DENND4C: variants seen among roughly 807,000 people sequenced by gnomAD.
The protein encoded by DENND4C is DENN domain containing 4C.
In DENND4C, 108 loss-of-function variants were observed where a neutral mutation model predicts 203.0. The observed-to-expected ratio is 0.53, with a 90% CI of 0.46 to 0.62. The LOEUF is 0.62. Among genes scored for constraint, DENND4C ranks in the 20% least tolerant of loss-of-function variants. DENND4C has a pLI of 0.00. For missense variants in DENND4C, 2,481 were observed against 2,301.2 expected (o/e 1.08, Z -1.60); for synonymous variants, 871 against 792.4 (o/e 1.10, Z -1.67).
intron 2 of DENND4C, among the ~76,000 whole-genome samples, chr9:19,283,510 G>T (rs1158280672): frequency 1.3e-5 from 2 of 151,814 alleles, no homozygotes; most frequent in Non-Finnish European, 2.9e-5. Context: ...AGTATATGCA[G>T]TCTGTGCTTG....
At chr9:19,289,983 G>T (rs1021582896) in intron 4 of DENND4C, among the ~76,000 whole-genome samples, 5 of 152,116 alleles carry the variant, frequency 3.3e-5, no homozygotes, top group Admixed American at 6.5e-5. Context: ...TCAGTTATTT[G>T]ATATGAGACA....
In DENND4C at chr9:19,328,270, C is replaced by T; in HGVS notation, c.2253+108C>T. On this transcript the variant is annotated intron_variant, in intron 16 of 32. Transcript: ENST00000434457. Reference sequence around the variant, plus strand: ...CACCCACAACAACCATTTGAAGACTCACTTTGGTTGTTATTGAATTTAACT... The same window carrying T: ...CACCCACAACAACCATTTGAAGACTTACTTTGGTTGTTATTGAATTTAACT... 5.3e-6 allele frequency: 6 copies of T among 1,126,972 alleles called. No individual in the cohort carries two copies. In the South Asian group the frequency reaches 1.0e-4, roughly 20 times the overall value. The allele number at this position is 1,126,972 out of a possible 1,614,324, so 69.8% of individuals were successfully genotyped here. A position where few individuals can be genotyped will look rare whatever the true frequency, so the allele number is the denominator to read the frequency against.
At chr9:19,230,563 G>A (rs1820250237), upstream of DENND4C, 1 of 152,214 alleles carries the variant, frequency 6.6e-6, no homozygotes, top group Non-Finnish European at 1.5e-5. Context: ...GCAGCTCCTA[G>A]GCGACGCGCC....
Position 19,316,838 on chromosome 9 carries a change from G to A in DENND4C, c.1806G>A (p.Gln602=). The change falls in exon 12 of 33, where the codon CAG becomes CAA. Residue 602 remains glutamine, a splice_region_variant and synonymous_variant. Transcript: ENST00000434457. Reference sequence around the variant, plus strand: ...CTGCTGATTCATTGTTTGACCGACAGGGTGAGTAGCATTGAAAGTACAATT... The same window carrying A: ...CTGCTGATTCATTGTTTGACCGACAAGGTGAGTAGCATTGAAAGTACAATT... The part of the protein sequence containing the change: ...ATAADSLFDR[Q]GFLKSRDRAY... 2 of 1,608,966 alleles carry A rather than the reference G, an allele frequency of 1.2e-6. No individual in the cohort carries two copies. Among genetic ancestry groups the A allele is most frequent in the Non-Finnish European group, 1.7e-6 (2 of 1,178,446 alleles).
rs567402106 is a variant in DENND4C at position 19,333,394 on chromosome 9, T to G, written c.2460+1210T>G. Among the ~76,000 whole-genome samples the G allele has an allele frequency of 3.3e-5, 5 of 152,294 alleles. No individual in the cohort carries two copies. The East Asian group carries it at 9.6e-4, about 29-fold the overall frequency. ...TCTCAACTTTGGCACTATTGATATT[T>G]TGGCCCACACAATTGTTTATTTTAG... is the stretch of plus-strand genomic sequence containing the variant. On this transcript the variant is annotated intron_variant, in intron 17 of 32. Transcript: ENST00000434457.
chr9:19,261,670 A>ATT (rs79471192), intron 1 of DENND4C, among the ~76,000 whole-genome samples: 5 of 143,942 alleles, frequency 3.5e-5, no homozygotes, highest in African/African-American at 1.0e-4. Flanking sequence ...GGCCGGGCTA[A>ATT]TTTTTTTTTT....
At position 19,346,969 on chromosome 9, in the gene DENND4C, T is replaced by A; in HGVS notation, c.4200T>A (p.Asp1400Glu). 6.2e-7 allele frequency: 1 copy of A among 1,614,190 alleles called. No homozygotes were observed. Among genetic ancestry groups the A allele is most frequent in the Non-Finnish European group, 8.5e-7 (1 of 1,180,038 alleles). ...ATTCTTTGTCAGGGCTAAAGCTGGA[T>A]AATATACTCTCAGGGCCCAAGATAG... is the stretch of plus-strand genomic sequence containing the variant. ...VVNSLSGLKL[D>E]NILSGPKIDV... The change falls in exon 23 of 33, where the codon GAT becomes GAA. Residue 1400 changes from aspartate (D) to glutamate (E), a missense_variant. By Grantham distance (45) the Asp-to-Glu change is conservative. Transcript: ENST00000434457.
chr9:19,253,571 C>T (rs1417403187), intron 1 of DENND4C, among the ~76,000 whole-genome samples: 1 of 152,244 alleles, frequency 6.6e-6, no homozygotes, highest in South Asian at 2.1e-4. Context: ...TAGCAAATAG[C>T]TTTGATAAAA....
chr9:19,359,795 C>T (rs1417798137), intron 28 of DENND4C, among the ~76,000 whole-genome samples: 1 of 151,440 alleles, frequency 6.6e-6, no homozygotes, highest in African/African-American at 2.4e-5. Context: ...TCTTTAATTC[C>T]TTCAGTTTTT....
At chr9:19,238,445 T>C (rs1477187412) in intron 1 of DENND4C, among the ~76,000 whole-genome samples, 2 of 122,874 alleles carry the variant, frequency 1.6e-5, no homozygotes, top group African/African-American at 6.5e-5. Flanking sequence ...GGTTTTCTCT[T>C]TCCTTCCCCT....
chr9:19,251,929 T>C (rs1186220028), intron 1 of DENND4C, among the ~76,000 whole-genome samples: 1 of 152,196 alleles, frequency 6.6e-6, no homozygotes, highest in African/African-American at 2.4e-5. Context: ...TCCTCTCTCC[T>C]TCTGAGCCCT....
At chr9:19,274,057 A>G (rs1239633039) in intron 1 of DENND4C, among the ~76,000 whole-genome samples, 2 of 152,084 alleles carry the variant, frequency 1.3e-5, no homozygotes, top group African/African-American at 4.8e-5. Flanking sequence ...TTCATTCAGT[A>G]GAATACCACT....
At chr9:19,299,340 T>C (rs2131300546) in intron 8 of DENND4C, 53 bp downstream of exon 8, 2 of 1,243,366 alleles carry the variant, frequency 1.6e-6, no homozygotes, top group Non-Finnish European at 2.2e-6. Context: ...CAGAATGCTT[T>C]AAAATATTTT....
intron 1 of DENND4C, among the ~76,000 whole-genome samples, chr9:19,235,157 GT>G (rs1241452429): frequency 2.6e-5 from 4 of 151,772 alleles, no homozygotes; most frequent in Non-Finnish European, 4.4e-5. Context: ...TAGAGACGGG[GT>G]TTTGCCATGT....
chr9:19,271,201 CTTT>C (rs34513200), intron 1 of DENND4C, among the ~76,000 whole-genome samples: 2 of 129,066 alleles, frequency 1.5e-5, no homozygotes, highest in Admixed American at 8.0e-5. Flanking sequence ...AATATGGATT[CTTT>C]TTTTTTTTTT....
rs370499699 is a variant in DENND4C at position 19,279,106 on chromosome 9, G to A, written c.305+2627G>A. On this transcript the variant is annotated intron_variant, in intron 2 of 32. Coordinates refer to ENST00000434457, the MANE Select transcript of DENND4C (RefSeq NM_001330640.2). ...AGCACTTTGGGAGGCCGAGGCAAGC[G>A]GATCACAAGGTCAAGGGATCAAGAC... is the stretch of plus-strand genomic sequence containing the variant. 2.6e-4 allele frequency among the ~76,000 whole-genome samples: 21 copies of A among 81,346 alleles called. 6 individuals are homozygous for A. In the South Asian group the frequency reaches 5.4e-3, roughly 21 times the overall value. The allele number at this position is 81,346 out of a possible 152,430, so 53.4% of individuals were successfully genotyped here. A position where few individuals can be genotyped will look rare whatever the true frequency, so the allele number is the denominator to read the frequency against.
intron 29 of DENND4C, 105 bp downstream of exon 29, chr9:19,360,594 TTCTC>T: frequency 7.0e-7 from 1 of 1,434,732 alleles, no homozygotes; most frequent in Non-Finnish European, 9.6e-7. Context: ...ACAGATTTAT[TTCTC>T]TCTCACTTAA....
chr9:19,374,011 T>C lies in DENND4C; in HGVS notation c.*1838T>C, dbSNP rs1241382141. Among the ~76,000 whole-genome samples, 13 of 152,184 alleles carry C rather than the reference T, an allele frequency of 8.5e-5. No individual in the cohort carries two copies. Among genetic ancestry groups the C allele is most frequent in the Non-Finnish European group, 1.9e-4 (13 of 68,036 alleles). On this transcript the variant is annotated 3_prime_UTR_variant, in exon 33 of 33. Coordinates refer to ENST00000434457, the MANE Select transcript of DENND4C (RefSeq NM_001330640.2). ...GGATCTTTTGCACTGTCTGAGAGTATATATTTTTGCAACTCAAGACTTGGT... is the reference window on the plus strand; with the variant it reads ...GGATCTTTTGCACTGTCTGAGAGTACATATTTTTGCAACTCAAGACTTGGT...
At chr9:19,282,279 A>G (rs2131014351) in intron 2 of DENND4C, among the ~76,000 whole-genome samples, 1 of 151,774 alleles carries the variant, frequency 6.6e-6, no homozygotes, top group East Asian at 1.9e-4. Context: ...TTTTTGAGAC[A>G]GGGTCTCACT....
Sources: gnomAD v4.1 joint callset for allele counts (sites outside exome capture counted in the v4.1 genomes callset) on GRCh38, gnomAD v4.1.1 for gene constraint, MANE v1.5 for transcripts, NCBI Gene and HGNC (gene_info 2026-07-23, HGNC 2026-07-21) for gene names.